PLPP1: variants seen among roughly 807,000 people sequenced by gnomAD.
PLPP1 encodes the protein phospholipid phosphatase 1, also known as lipid phosphate phosphohydrolase 1a.
Under a neutral mutation model 31.2 loss-of-function variants are expected in PLPP1, and 24 were observed. The ratio of observed to expected loss-of-function variants is 0.77; its 90% CI spans 0.56 to 1.08. The LOEUF (loss-of-function observed/expected upper bound fraction) is 1.08. PLPP1 is among the 50% of genes least tolerant of loss of function. The pLI is 0.00. For missense variants in PLPP1, 319 were observed against 342.7 expected (o/e 0.93, Z 0.55); for synonymous variants, 146 against 126.3 (o/e 1.16, Z -1.05).
intron 1 of PLPP1, among the ~76,000 whole-genome samples, chr5:55,488,819 A>AGG (rs1202427797): frequency 6.6e-6 from 1 of 152,170 alleles, no homozygotes; most frequent in Non-Finnish European, 1.5e-5. Flanking sequence ...ATCATGGGCC[A>AGG]GGGGGCATGT....
intron 3 of PLPP1, among the ~76,000 whole-genome samples, chr5:55,449,309 A>G (rs2111733464): frequency 6.6e-6 from 1 of 152,360 alleles, no homozygotes; most frequent in East Asian, 1.9e-4. Context: ...CTTTCACATA[A>G]CACGGTGATA....
chr5:55,435,338 T>C (rs1751466589), intron 4 of PLPP1, among the ~76,000 whole-genome samples: 1 of 152,142 alleles, frequency 6.6e-6, no homozygotes, highest in African/African-American at 2.4e-5. Context: ...GGGGGCCTAA[T>C]CCGGGGAAGT....
chr5:55,530,746 T>A (rs1740633315), intron 1 of PLPP1: 1 of 1,571,832 alleles, frequency 6.4e-7, no homozygotes, highest in Non-Finnish European at 8.8e-7. Flanking sequence ...TGCTCCGCTT[T>A]CCCTCATTGC....
intron 1 of PLPP1, among the ~76,000 whole-genome samples, chr5:55,493,560 C>T (rs187764629): frequency 5.9e-5 from 9 of 151,816 alleles, no homozygotes; most frequent in Admixed American, 2.0e-4. Flanking sequence ...CTGGGCAACA[C>T]AGCAAGACCC....
intron 1 of PLPP1, among the ~76,000 whole-genome samples, chr5:55,525,601 G>A (rs1740400852): frequency 6.6e-6 from 1 of 152,168 alleles, no homozygotes; most frequent in East Asian, 1.9e-4. Context: ...CCCCCAAAGT[G>A]CTGGGATTAC....
intron 3 of PLPP1, among the ~76,000 whole-genome samples, chr5:55,464,973 C>A (rs1318873104): frequency 6.6e-6 from 1 of 151,680 alleles, no homozygotes; most frequent in Admixed American, 6.6e-5. Flanking sequence ...AAGAGTAGTT[C>A]GACTAGTATC....
intron 1 of PLPP1, among the ~76,000 whole-genome samples, chr5:55,524,738 A>G (rs551108888): frequency 1.8e-4 from 27 of 152,186 alleles, no homozygotes; most frequent in Non-Finnish European, 3.4e-4. Flanking sequence ...TGTACCTAGA[A>G]GGCAGAGGTT....
intron 3 of PLPP1, among the ~76,000 whole-genome samples, chr5:55,461,954 C>A (rs1752175355): frequency 6.6e-6 from 1 of 151,594 alleles, no homozygotes; most frequent in Admixed American, 6.6e-5. Context: ...AAAAAACTCA[C>A]AATGGCATTA....
intron 1 of PLPP1, among the ~76,000 whole-genome samples, chr5:55,505,307 C>T (rs995697820): frequency 2.0e-5 from 3 of 151,864 alleles, no homozygotes; most frequent in Non-Finnish European, 4.4e-5. Flanking sequence ...CAAAAGTAGA[C>T]GTTAGGCCAG....
intron 3 of PLPP1, among the ~76,000 whole-genome samples, chr5:55,445,164 T>A (rs1751732340): frequency 6.6e-6 from 1 of 152,166 alleles, no homozygotes. Context: ...ATCATGGCAT[T>A]GAGAGCATTC....
At chr5:55,532,452 A>G (rs35092551) in intron 1 of PLPP1, among the ~76,000 whole-genome samples, 9,308 of 152,264 alleles carry the variant, frequency 0.061, 522 homozygotes, top group African/African-American at 0.13. Flanking sequence ...AATATTCAAT[A>G]TATTAGAAAT....
intron 2 of PLPP1, 171 bp from the exon 3 acceptor site, chr5:55,468,320 C>G: frequency 3.4e-6 from 2 of 586,270 alleles, no homozygotes; most frequent in Non-Finnish European, 5.8e-6. Flanking sequence ...ATATCCAATT[C>G]TAAACCACAA....
intron 1 of PLPP1, among the ~76,000 whole-genome samples, chr5:55,480,427 T>C (rs1269976541): frequency 1.3e-5 from 2 of 152,150 alleles, no homozygotes; most frequent in Admixed American, 1.3e-4. Context: ...CCAAATTCCC[T>C]TGAGCCCATT....
chr5:55,466,620 T>A (rs1217417001), intron 3 of PLPP1, among the ~76,000 whole-genome samples: 2 of 151,838 alleles, frequency 1.3e-5, no homozygotes, highest in East Asian at 3.9e-4. Flanking sequence ...GGAGAATCGC[T>A]TGAACCCGGG....
intron 1 of PLPP1, among the ~76,000 whole-genome samples, chr5:55,489,695 C>T (rs1256851411): frequency 6.6e-6 from 1 of 152,020 alleles, no homozygotes; most frequent in Non-Finnish European, 1.5e-5. Flanking sequence ...AAAAAACAAA[C>T]AACTAGGTTA....
intron 3 of PLPP1, among the ~76,000 whole-genome samples, chr5:55,452,194 G>A (rs1407243119): frequency 6.6e-6 from 1 of 152,140 alleles, no homozygotes; most frequent in Non-Finnish European, 1.5e-5. Flanking sequence ...CCCCAATGTT[G>A]GAGGTGGGGC....
intron 1 of PLPP1, among the ~76,000 whole-genome samples, chr5:55,532,295 C>T (rs1245934804): frequency 6.6e-6 from 1 of 151,882 alleles, no homozygotes; most frequent in Non-Finnish European, 1.5e-5. Flanking sequence ...TACCTCAGAG[C>T]AGTATTATGT....
intron 3 of PLPP1, among the ~76,000 whole-genome samples, chr5:55,467,253 CT>C (rs1464368100): frequency 5.9e-5 from 9 of 152,284 alleles, no homozygotes; most frequent in African/African-American, 1.7e-4. Flanking sequence ...ACTTTGACCC[CT>C]GTGGCAGCGC....
chr5:55,467,823 C>A (rs1752337102), intron 3 of PLPP1, 46 bp downstream of exon 3: 1 of 1,536,370 alleles, frequency 6.5e-7, no homozygotes, highest in Non-Finnish European at 8.8e-7. Flanking sequence ...ACCTTCTATT[C>A]CAAGAATATA....
Sources: allele counts gnomAD v4.1 joint callset (sites outside exome capture counted in the v4.1 genomes callset), GRCh38; gene constraint gnomAD v4.1.1; transcripts MANE v1.5; gene names NCBI Gene and HGNC (gene_info 2026-07-23, HGNC 2026-07-21).